Variants in KCNQ5 observed in about 807,000 individuals in gnomAD.
KCNQ5 encodes the protein potassium voltage-gated channel subfamily Q member 5, also known as potassium voltage-gated channel subfamily KQT member 5.
Under a neutral mutation model 98.2 loss-of-function variants are expected in KCNQ5, and 30 were observed. The observed-to-expected ratio is 0.31, with a 90% CI of 0.23 to 0.41. The LOEUF is 0.41. KCNQ5 is among the 10% of genes least tolerant of loss of function. The pLI is 1.00. For synonymous variants in KCNQ5, 458 were observed against 449.4 expected (o/e 1.02, Z -0.24); for missense variants, 835 against 1,182.5 (o/e 0.71, Z 4.31).
intron 1 of KCNQ5, among the ~76,000 whole-genome samples, chr6:72,798,909 T>C (rs1188131673): frequency 6.6e-6 from 1 of 152,100 alleles, no homozygotes; most frequent in Non-Finnish European, 1.5e-5. Flanking sequence ...GTTCACTTAA[T>C]TTTTAAATTT....
intron 1 of KCNQ5, among the ~76,000 whole-genome samples, chr6:72,755,558 A>G (rs1771920129): frequency 6.6e-6 from 1 of 152,072 alleles, no homozygotes. Context: ...TCTTTAAGCT[A>G]TCACAGTCTA....
chr6:72,802,913 T>C (rs1774736090), intron 1 of KCNQ5, among the ~76,000 whole-genome samples: 2 of 152,162 alleles, frequency 1.3e-5, no homozygotes, highest in African/African-American at 4.8e-5. Context: ...CTTAAGGAAT[T>C]ATAACGTCAT....
At chr6:72,773,172 A>G (rs1772990156) in intron 1 of KCNQ5, among the ~76,000 whole-genome samples, 1 of 152,216 alleles carries the variant, frequency 6.6e-6, no homozygotes, top group Non-Finnish European at 1.5e-5. Flanking sequence ...CTACAAAGAC[A>G]CATGCACACA....
chr6:73,003,845 G>A, intron 1 of KCNQ5, 63 bp from the exon 2 acceptor site: 1 of 1,118,926 alleles, frequency 8.9e-7, no homozygotes, highest in Non-Finnish European at 1.3e-6. Flanking sequence ...TTTGAAGCAA[G>A]AAATTAAGTC....
chr6:72,958,115 C>G (rs1767174359), intron 1 of KCNQ5, among the ~76,000 whole-genome samples: 1 of 151,940 alleles, frequency 6.6e-6, no homozygotes, highest in Non-Finnish European at 1.5e-5. Flanking sequence ...GGCATCCAAG[C>G]TTTCAAAATT....
In KCNQ5 at chr6:72,773,804, G is replaced by A. The variant is rs984480561; in HGVS notation, c.398+151217G>A. Reference sequence around the variant, plus strand: ...TATCAAACTTTCTAAAGTGTGTATGGAAATGTAAAGGACAGCTAATGTCTT... The same window carrying A: ...TATCAAACTTTCTAAAGTGTGTATGAAAATGTAAAGGACAGCTAATGTCTT... On this transcript the variant is annotated intron_variant, in intron 1 of 13. Coordinates refer to ENST00000370398, the MANE Select transcript of KCNQ5 (RefSeq NM_019842.4). Among the ~76,000 whole-genome samples, 3 of 152,008 alleles carry A rather than the reference G, an allele frequency of 2.0e-5. No homozygotes were observed. In the South Asian group the frequency reaches 6.2e-4, roughly 32 times the overall value.
intron 1 of KCNQ5, among the ~76,000 whole-genome samples, chr6:72,930,423 C>T (rs1765638439): frequency 6.6e-6 from 1 of 151,892 alleles, no homozygotes; most frequent in South Asian, 2.1e-4. Context: ...TGCATTTTAG[C>T]CAGTCTTGGC....
At chr6:72,748,856 A>G (rs1308043212) in intron 1 of KCNQ5, among the ~76,000 whole-genome samples, 5 of 152,182 alleles carry the variant, frequency 3.3e-5, no homozygotes, top group African/African-American at 9.6e-5. Flanking sequence ...TCATAAGTGC[A>G]TAGTGTGCCA....
At chr6:73,178,770 A>G (rs1000455450) in intron 11 of KCNQ5, among the ~76,000 whole-genome samples, 3 of 152,218 alleles carry the variant, frequency 2.0e-5, no homozygotes, top group African/African-American at 7.2e-5. Context: ...TAGATATATA[A>G]TTTTATAACT....
At chr6:72,625,798 G>A (rs1456870409) in intron 1 of KCNQ5, among the ~76,000 whole-genome samples, 1 of 152,088 alleles carries the variant, frequency 6.6e-6, no homozygotes, top group Admixed American at 6.5e-5. Context: ...ACTATTGTTT[G>A]TTTACTTTAT....
At chr6:72,980,977 T>C (rs1182138472) in intron 1 of KCNQ5, among the ~76,000 whole-genome samples, 3 of 152,226 alleles carry the variant, frequency 2.0e-5, no homozygotes, top group Non-Finnish European at 2.9e-5. Flanking sequence ...GATTTGCATA[T>C]GTTGAACCAG....
intron 10 of KCNQ5, among the ~76,000 whole-genome samples, chr6:73,167,576 C>G (rs1258672307): frequency 6.6e-6 from 1 of 152,194 alleles, no homozygotes; most frequent in Non-Finnish European, 1.5e-5. Flanking sequence ...TAAAGTTGCT[C>G]TGAGTATGAA....
chr6:72,676,339 C>T (rs1022658653), intron 1 of KCNQ5, among the ~76,000 whole-genome samples: 22 of 152,016 alleles, frequency 1.4e-4, no homozygotes, highest in Non-Finnish European at 1.5e-5. Flanking sequence ...TTTTTTATGT[C>T]ACAAAGCAGC....
At chr6:72,694,839 C>G (rs570427312) in intron 1 of KCNQ5, among the ~76,000 whole-genome samples, 38 of 152,124 alleles carry the variant, frequency 2.5e-4, no homozygotes, top group African/African-American at 8.7e-4. Flanking sequence ...AGCATAGTAC[C>G]CAACAGTTTT....
intron 10 of KCNQ5, among the ~76,000 whole-genome samples, chr6:73,150,806 G>A (rs1253576052): frequency 7.7e-6 from 1 of 129,430 alleles, no homozygotes; most frequent in African/African-American, 2.8e-5. Context: ...ATACATTAAT[G>A]TAGTGTGGGA....
chr6:72,639,907 G>A (rs1052946402), intron 1 of KCNQ5, among the ~76,000 whole-genome samples: 1 of 152,002 alleles, frequency 6.6e-6, no homozygotes, highest in African/African-American at 2.4e-5. Context: ...AAGTAATTGA[G>A]AATAACAAGA....
intron 5 of KCNQ5, among the ~76,000 whole-genome samples, chr6:73,097,742 C>A (rs189545818): frequency 6.6e-6 from 1 of 152,292 alleles, no homozygotes; most frequent in African/African-American, 2.4e-5. Context: ...AGAATTCTTT[C>A]AGATCTTATT....
intron 1 of KCNQ5, among the ~76,000 whole-genome samples, chr6:72,679,904 A>G (rs568350421): frequency 2.0e-4 from 30 of 152,084 alleles, no homozygotes; most frequent in African/African-American, 7.2e-4. Flanking sequence ...TGGATGTAGT[A>G]GTGCATGCCT....
rs1302604636 is a variant in KCNQ5 at position 72,987,337 on chromosome 6, T to C, written c.399-16571T>C. ...ATGGACGAGGCGCACATAGACCAGGTGAGGCGAAAGGCCTTGCAAGGAGAG... is the reference window on the plus strand; with the variant it reads ...ATGGACGAGGCGCACATAGACCAGGCGAGGCGAAAGGCCTTGCAAGGAGAG... On this transcript the variant is annotated intron_variant, in intron 1 of 13. Coordinates refer to ENST00000370398, the MANE Select transcript of KCNQ5 (RefSeq NM_019842.4). 8.4e-6 allele frequency: 6 copies of C among 712,482 alleles called. No individual in the cohort carries two copies. The Admixed American group carries it at 8.8e-5, about 10-fold the overall frequency. The allele number at this position is 712,482 out of a possible 1,614,324, so 44.1% of individuals were successfully genotyped here.
Sources: allele counts gnomAD v4.1 joint callset (sites outside exome capture counted in the v4.1 genomes callset), GRCh38; gene constraint gnomAD v4.1.1; transcripts MANE v1.5; gene names NCBI Gene and HGNC (gene_info 2026-07-23, HGNC 2026-07-21).